STXBP4: variants seen among roughly 807,000 people sequenced by gnomAD.
STXBP4 encodes syntaxin-binding protein 4.
Under a neutral mutation model 76.1 loss-of-function variants are expected in STXBP4, and 55 were observed. The ratio of observed to expected loss-of-function variants is 0.72; its 90% confidence interval spans 0.58 to 0.91. The LOEUF is 0.91. Ranked by LOEUF, STXBP4 falls within the 40% of genes least tolerant of loss-of-function variation. STXBP4 has a pLI of 0.00. For synonymous variants in STXBP4, 201 were observed against 220.2 expected (o/e 0.91, Z 0.77); for missense variants, 618 against 636.9 (o/e 0.97, Z 0.32).
intron 16 of STXBP4, among the ~76,000 whole-genome samples, chr17:55,132,764 G>A (rs1051059718): frequency 6.6e-6 from 1 of 152,082 alleles, no homozygotes; most frequent in African/African-American, 2.4e-5. Context: ...AGAGGCTGGA[G>A]AAGAAGGGAG....
At chr17:55,128,765 G>T (rs1310526840) in intron 16 of STXBP4, among the ~76,000 whole-genome samples, 1 of 151,878 alleles carries the variant, frequency 6.6e-6, no homozygotes, top group Non-Finnish European at 1.5e-5. Context: ...ACAGGCACCT[G>T]CCATCATGCC....
At chr17:55,109,014 T>G (rs1450308086) in intron 16 of STXBP4, among the ~76,000 whole-genome samples, 1 of 152,194 alleles carries the variant, frequency 6.6e-6, no homozygotes, top group Non-Finnish European at 1.5e-5. Context: ...CCATTGCTTT[T>G]ACTGTCGATT....
the STXBP4 span, among the ~76,000 whole-genome samples, chr17:55,192,454 T>C: frequency 2.0e-5 from 3 of 152,196 alleles, no homozygotes; most frequent in African/African-American, 7.2e-5. Context: ...TTGTTCTTCC[T>C]AAATTAACCT....
chr17:55,076,729 C>T (rs1050154189), intron 13 of STXBP4, among the ~76,000 whole-genome samples: 13 of 152,118 alleles, frequency 8.5e-5, no homozygotes, highest in African/African-American at 2.2e-4. Flanking sequence ...TTATCCTGAG[C>T]GATTTCTCTT....
At chr17:55,088,905 T>C (rs1179146451) in intron 16 of STXBP4, among the ~76,000 whole-genome samples, 3 of 152,160 alleles carry the variant, frequency 2.0e-5, no homozygotes, top group Non-Finnish European at 4.4e-5. Context: ...AGAATACCTC[T>C]AACAGTAGAG....
At chr17:55,179,943 A>G in the STXBP4 span, among the ~76,000 whole-genome samples, 1 of 152,188 alleles carries the variant, frequency 6.6e-6, no homozygotes, top group Non-Finnish European at 1.5e-5. Flanking sequence ...GTATATATCT[A>G]TACCACAAAA....
At chr17:55,064,996 GT>G (rs1220847630) in intron 12 of STXBP4, among the ~76,000 whole-genome samples, 1 of 152,008 alleles carries the variant, frequency 6.6e-6, no homozygotes, top group Non-Finnish European at 1.5e-5. Flanking sequence ...ACTTTACACT[GT>G]TTTTCCAAAT....
chr17:54,970,157 GA>G (rs982358425), intron 1 of STXBP4, among the ~76,000 whole-genome samples: 1 of 152,194 alleles, frequency 6.6e-6, no homozygotes, highest in African/African-American at 2.4e-5. Context: ...AAAGTGGTAG[GA>G]AATGGGGTCA....
chr17:55,121,800 A>G (rs979842632), intron 16 of STXBP4, among the ~76,000 whole-genome samples: 1 of 151,780 alleles, frequency 6.6e-6, no homozygotes, highest in South Asian at 2.1e-4. Flanking sequence ...GGAAACTTTT[A>G]ATTAATGGAT....
At chr17:55,133,426 T>C (rs2079993986) in intron 16 of STXBP4, among the ~76,000 whole-genome samples, 1 of 152,048 alleles carries the variant, frequency 6.6e-6, no homozygotes, top group East Asian at 1.9e-4. Flanking sequence ...TGCACCTGAA[T>C]TTGCCAGTTT....
chr17:55,026,556 G>T (rs1247241897), intron 8 of STXBP4, among the ~76,000 whole-genome samples: 1 of 152,172 alleles, frequency 6.6e-6, no homozygotes, highest in Non-Finnish European at 1.5e-5. Context: ...TCCCAAGAGT[G>T]TAAGATGGGT....
chr17:54,994,316 C>T (rs2077763963), intron 4 of STXBP4, among the ~76,000 whole-genome samples: 1 of 152,122 alleles, frequency 6.6e-6, no homozygotes, highest in African/African-American at 2.4e-5. Context: ...TTTACTTGGA[C>T]CTCTTAAAGG....
intron 1 of STXBP4, among the ~76,000 whole-genome samples, chr17:54,983,803 T>C (rs1019821809): frequency 2.0e-5 from 3 of 152,196 alleles, no homozygotes; most frequent in African/African-American, 7.2e-5. Context: ...ATAATGAACT[T>C]ATGCAAACTT....
At chr17:54,990,711 A>G in intron 3 of STXBP4, 114 bp from the exon 4 acceptor site, 1 of 1,292,852 alleles carries the variant, frequency 7.7e-7, no homozygotes, top group East Asian at 2.7e-5. Flanking sequence ...GGTACCAAAA[A>G]AGGTGAGGGG....
chr17:55,087,945 A>G (rs2079359898), intron 16 of STXBP4, among the ~76,000 whole-genome samples: 1 of 152,078 alleles, frequency 6.6e-6, no homozygotes, highest in South Asian at 2.1e-4. Context: ...TAGTTTTCCC[A>G]TGAGCATTTT....
At chr17:55,189,399 A>G in the STXBP4 span, among the ~76,000 whole-genome samples, 2 of 152,198 alleles carry the variant, frequency 1.3e-5, no homozygotes, top group African/African-American at 4.8e-5. Context: ...TAAGAGAGAG[A>G]AAGATGGATT....
intron 14 of STXBP4, 27 bp from the exon 15 acceptor site, chr17:55,078,659 C>T: frequency 7.1e-7 from 1 of 1,417,270 alleles, no homozygotes; most frequent in Non-Finnish European, 9.9e-7. Flanking sequence ...ACTGATATAT[C>T]TCCTTCACCA....
At chr17:55,101,058 G>A in intron 16 of STXBP4, among the ~76,000 whole-genome samples, 1 of 152,118 alleles carries the variant, frequency 6.6e-6, no homozygotes, top group East Asian at 1.9e-4. Flanking sequence ...CCAGACTCCT[G>A]TCCTACAGAA....
At chr17:55,026,846 G>A (rs1333340060) in intron 8 of STXBP4, among the ~76,000 whole-genome samples, 1 of 152,144 alleles carries the variant, frequency 6.6e-6, no homozygotes. Context: ...AGAACCAGGG[G>A]GCAAATGGGA....
Sources: gnomAD v4.1 joint callset for allele counts (sites outside exome capture counted in the v4.1 genomes callset) on GRCh38, gnomAD v4.1.1 for gene constraint, MANE v1.5 for transcripts, NCBI Gene and HGNC (gene_info 2026-07-23, HGNC 2026-07-21) for gene names.